CNTNAP2: variants seen among roughly 807,000 people sequenced by gnomAD.
CNTNAP2 encodes the protein contactin-associated protein-like 2.
CNTNAP2 carries 98 observed loss-of-function variants against 155.2 expected under a neutral mutation model. That is an observed-to-expected ratio of 0.63 (90% confidence interval 0.54 to 0.75). CNTNAP2 has a LOEUF of 0.75. Among genes scored for constraint, CNTNAP2 ranks in the 30% least tolerant of loss-of-function variants. The probability of loss-of-function intolerance (pLI) is 0.00; values close to 1 mark genes in which losing one functional copy is unlikely to be tolerated. For synonymous variants in CNTNAP2, 651 were observed against 631.2 expected (o/e 1.03, Z -0.47); for missense variants, 1,727 against 1,688.1 (o/e 1.02, Z -0.40).
At chr7:147,618,463 C>A (rs547977264) in intron 12 of CNTNAP2, among the ~76,000 whole-genome samples, 1 of 151,900 alleles carries the variant, frequency 6.6e-6, no homozygotes, top group African/African-American at 2.4e-5. Flanking sequence ...TTAACTGGTA[C>A]GATGACATGG....
chr7:146,875,947 A>AC (rs1795416289), intron 3 of CNTNAP2, among the ~76,000 whole-genome samples: 2 of 145,440 alleles, frequency 1.4e-5, no homozygotes, highest in Admixed American at 6.8e-5. Flanking sequence ...AAAAAAAAAA[A>AC]AAAAAAAAAA....
chr7:146,927,322 G>A (rs1045527091), intron 3 of CNTNAP2, among the ~76,000 whole-genome samples: 1 of 152,066 alleles, frequency 6.6e-6, no homozygotes, highest in Non-Finnish European at 1.5e-5. Context: ...GCTGAAAGAG[G>A]TTGGTTTTGC....
intron 8 of CNTNAP2, among the ~76,000 whole-genome samples, chr7:147,246,056 C>CACATATATATGGAATATATATATAT (rs1804055485): frequency 7.5e-6 from 1 of 133,500 alleles, no homozygotes; most frequent in African/African-American, 3.1e-5. Flanking sequence ...TATATATATA[C>CACATATATATGGAATATATATATAT]ACATATATAT....
intron 2 of CNTNAP2, among the ~76,000 whole-genome samples, chr7:146,820,252 T>C (rs1164010852): frequency 2.0e-5 from 3 of 152,170 alleles, no homozygotes; most frequent in Non-Finnish European, 2.9e-5. Flanking sequence ...GTAGGAAAAT[T>C]CACTGTCCTA....
intron 9 of CNTNAP2, among the ~76,000 whole-genome samples, chr7:147,327,899 G>A (rs893662821): frequency 1.3e-5 from 2 of 151,982 alleles, no homozygotes; most frequent in Admixed American, 6.6e-5. Context: ...CCATTAAGCC[G>A]TTATCAGCCA....
chr7:146,418,833 G>A (rs1239397461), intron 1 of CNTNAP2, among the ~76,000 whole-genome samples: 3 of 152,016 alleles, frequency 2.0e-5, no homozygotes, highest in African/African-American at 7.2e-5. Flanking sequence ...TGACACAGAG[G>A]CTGACATGCA....
intron 14 of CNTNAP2, among the ~76,000 whole-genome samples, chr7:147,906,219 T>A (rs1375023089): frequency 1.3e-5 from 2 of 151,828 alleles, no homozygotes; most frequent in Admixed American, 1.3e-4. Flanking sequence ...TGAGATGGGG[T>A]CTCACTCTGT....
At chr7:147,860,744 CCT>C (rs1371509429) in intron 13 of CNTNAP2, among the ~76,000 whole-genome samples, 1 of 152,100 alleles carries the variant, frequency 6.6e-6, no homozygotes, top group Non-Finnish European at 1.5e-5. Flanking sequence ...GTCAACTAAA[CCT>C]CTTTCTTTAT....
At chr7:147,085,288 T>A (rs529219629) in intron 4 of CNTNAP2, among the ~76,000 whole-genome samples, 11 of 152,274 alleles carry the variant, frequency 7.2e-5, no homozygotes, top group African/African-American at 2.4e-4. Context: ...CACGGACCTA[T>A]ACTGGTCCAT....
chr7:146,969,139 C>T (rs1379463640), intron 3 of CNTNAP2, among the ~76,000 whole-genome samples: 3 of 151,652 alleles, frequency 2.0e-5, no homozygotes, highest in Non-Finnish European at 2.9e-5. Context: ...GTTTCTTAAT[C>T]CTGAGTTCTA....
chr7:146,837,058 C>T (rs1803631772), intron 2 of CNTNAP2, among the ~76,000 whole-genome samples: 2 of 152,040 alleles, frequency 1.3e-5, no homozygotes, highest in Admixed American at 1.3e-4. Flanking sequence ...TTGTATTTTC[C>T]CTTGTATATC....
intron 8 of CNTNAP2, among the ~76,000 whole-genome samples, chr7:147,165,203 AG>A (rs1802092621): frequency 6.6e-6 from 1 of 152,126 alleles, no homozygotes; most frequent in African/African-American, 2.4e-5. Context: ...TGCAGGAGTA[AG>A]GGGGTATTGC....
intron 9 of CNTNAP2, among the ~76,000 whole-genome samples, chr7:147,326,920 A>C (rs185609788): frequency 6.6e-6 from 1 of 152,310 alleles, no homozygotes; most frequent in East Asian, 1.9e-4. Flanking sequence ...AGTGCTTTTC[A>C]ACTTCTAATA....
intron 3 of CNTNAP2, among the ~76,000 whole-genome samples, chr7:146,908,901 A>G (rs1413972585): frequency 4.6e-4 from 69 of 148,660 alleles, no homozygotes; most frequent in Admixed American, 4.0e-4. Flanking sequence ...TTGATAGACC[A>G]CTAGCAAGAC....
intron 13 of CNTNAP2, among the ~76,000 whole-genome samples, chr7:147,667,402 T>C: frequency 6.6e-6 from 1 of 152,260 alleles, no homozygotes; most frequent in Non-Finnish European, 1.5e-5. Flanking sequence ...CATCTCACTT[T>C]GGAGAAATGT....
chr7:148,020,144 G>T (rs1802255339), intron 15 of CNTNAP2, among the ~76,000 whole-genome samples: 1 of 152,148 alleles, frequency 6.6e-6, no homozygotes, highest in South Asian at 2.1e-4. Flanking sequence ...TTCACCTTTA[G>T]TTGCCATGTA....
intron 10 of CNTNAP2, among the ~76,000 whole-genome samples, chr7:147,410,860 G>T (rs1282141213): frequency 6.6e-6 from 1 of 152,100 alleles, no homozygotes; most frequent in African/African-American, 2.4e-5. Flanking sequence ...ATGGCATGTG[G>T]CTCACAAGTT....
At chr7:146,117,912 A>G (rs1348684044) in intron 1 of CNTNAP2, among the ~76,000 whole-genome samples, 3 of 152,238 alleles carry the variant, frequency 2.0e-5, no homozygotes, top group East Asian at 1.9e-4. Context: ...AGCGCATACT[A>G]GTTTCTGAGA....
intron 10 of CNTNAP2, among the ~76,000 whole-genome samples, chr7:147,457,506 T>G (rs1207585167): frequency 9.6e-3 from 4 of 416 alleles, no homozygotes; most frequent in African/African-American, 0.087. Flanking sequence ...TTACTGTATA[T>G]TTAGTTCATA....
Sources: gnomAD v4.1 joint callset for allele counts (sites outside exome capture counted in the v4.1 genomes callset) on GRCh38, gnomAD v4.1.1 for gene constraint, MANE v1.5 for transcripts, NCBI Gene and HGNC (gene_info 2026-07-23, HGNC 2026-07-21) for gene names.